Variants in B4GALT1 observed in about 807,000 individuals in gnomAD.
The protein encoded by B4GALT1 is beta-1,4-galactosyltransferase 1.
In B4GALT1, 16 loss-of-function variants were observed where a neutral mutation model predicts 34.9. The observed-to-expected ratio is 0.46, with a 90% CI of 0.31 to 0.70. B4GALT1 has a LOEUF of 0.70. Among genes scored for constraint, B4GALT1 ranks in the 30% least tolerant of loss-of-function variants. The probability of loss-of-function intolerance (pLI) is 0.05; values close to 1 mark genes in which losing one functional copy is unlikely to be tolerated. For missense variants in B4GALT1, 445 were observed against 530.5 expected, an observed-to-expected ratio of 0.84 and a Z score of 1.58; for synonymous variants, 221 against 218.1, an observed-to-expected ratio of 1.01 and a Z score of -0.12.
the B4GALT1 span, among the ~76,000 whole-genome samples, chr9:33,173,591 G>GGTGTGT: frequency 0.023 from 3,230 of 143,116 alleles, 63 homozygotes; most frequent in East Asian, 0.067. Context: ...AAATAAGAAT[G>GGTGTGT]GTGTGTGTGT....
chr9:33,142,853 A>G (rs1033801751), intron 1 of B4GALT1, among the ~76,000 whole-genome samples: 2 of 150,112 alleles, frequency 1.3e-5, no homozygotes, highest in Admixed American at 6.6e-5. Flanking sequence ...GAATTTGCTG[A>G]AAAAAAATAG....
At chr9:33,121,509 T>A (rs1406596441) in intron 2 of B4GALT1, among the ~76,000 whole-genome samples, 1 of 148,976 alleles carries the variant, frequency 6.7e-6, no homozygotes, top group Non-Finnish European at 1.5e-5. Flanking sequence ...ATTACAGGCA[T>A]GTGCCACCAT....
the B4GALT1 span, chr9:33,180,016 G>A: frequency 6.6e-6 from 1 of 152,246 alleles, no homozygotes; most frequent in Admixed American, 6.5e-5. Flanking sequence ...AAAGAGATCA[G>A]CCATGTACCT....
chr9:33,114,409 G>T (rs909668960), intron 4 of B4GALT1, among the ~76,000 whole-genome samples: 1 of 152,214 alleles, frequency 6.6e-6, no homozygotes, highest in South Asian at 2.1e-4. Context: ...AGGGTCTGGG[G>T]TAGGACGTGG....
In B4GALT1 at chr9:33,116,122, A is replaced by G; in HGVS notation, c.837-9T>C. 1 of 1,612,362 alleles carries G rather than the reference A, an allele frequency of 6.2e-7. No homozygotes were observed. Among genetic ancestry groups the G allele is most frequent in the South Asian group, 1.1e-5 (1 of 90,958 alleles). The stretch of plus-strand genomic sequence containing the variant: ...ACTGAACATAAGGTAGGCTGGAGGA[A>G]AAACATACACACAGAAGGAGCAGTG... On this transcript the variant is annotated splice_polypyrimidine_tract_variant and intron_variant, in intron 3 of 5. Transcript: ENST00000379731.
chr9:33,151,443 G>A (rs549473749), intron 1 of B4GALT1, among the ~76,000 whole-genome samples: 2 of 152,200 alleles, frequency 1.3e-5, no homozygotes, highest in South Asian at 2.1e-4. Flanking sequence ...TTGGACTGTG[G>A]AGGGCCCACT....
At chr9:33,126,661 C>CCATTGTTAACATTGTTAACTATTGTTA (rs1564040681) in intron 2 of B4GALT1, among the ~76,000 whole-genome samples, 1 of 37,114 alleles carries the variant, frequency 2.7e-5, no homozygotes. Context: ...TTAACCATAG[C>CCATTGTTAACATTGTTAACTATTGTTA]AATATGGTAG....
intron 1 of B4GALT1, among the ~76,000 whole-genome samples, chr9:33,166,181 T>C (rs527380340): frequency 2.4e-4 from 37 of 152,312 alleles, no homozygotes; most frequent in African/African-American, 8.9e-4. Flanking sequence ...TTGTTCACAA[T>C]ATCTTCCAAA....
In B4GALT1 at chr9:33,117,702, A is replaced by C. The variant is rs371842396; in HGVS notation, c.837-1589T>G. Reference sequence around the variant, plus strand: ...ATATTCAGGAATTCTGACTGTAAGGATCCTCAAGCAAAGGTCCCCAGGGGG... The same window carrying C: ...ATATTCAGGAATTCTGACTGTAAGGCTCCTCAAGCAAAGGTCCCCAGGGGG... On this transcript the variant is annotated intron_variant, in intron 3 of 5. Coordinates refer to ENST00000379731, the MANE Select transcript of B4GALT1 (RefSeq NM_001497.4). 2.4e-4 allele frequency among the ~76,000 whole-genome samples: 36 copies of C among 152,344 alleles called. No individual in the cohort carries two copies. In the East Asian group the frequency reaches 4.2e-3, roughly 18 times the overall value.
the B4GALT1 span, among the ~76,000 whole-genome samples, chr9:33,173,583 A>G: frequency 5.2e-5 from 7 of 135,204 alleles, no homozygotes; most frequent in Admixed American, 7.9e-5. Flanking sequence ...GATAGATGAA[A>G]TAAGAATGGT....
chr9:33,142,809 G>A (rs1014749577), intron 1 of B4GALT1, among the ~76,000 whole-genome samples: 3 of 152,032 alleles, frequency 2.0e-5, no homozygotes, highest in African/African-American at 7.3e-5. Context: ...TGTGGTCTCA[G>A]TACCCTGCAT....
In B4GALT1 at chr9:33,166,819, G is replaced by A. The variant is rs1040794059; in HGVS notation, c.351C>T (p.Val117=). 4 of 1,549,042 alleles carry A rather than the reference G, an allele frequency of 2.6e-6. No individual in the cohort carries two copies. Among genetic ancestry groups the A allele is most frequent in the African/African-American group, 1.4e-5 (1 of 73,202 alleles). ...GPGPASNLTS[V]PVPHTTALSL... ...ACAGTGCGGTGGTGTGGGGCACTGG[G>A]ACCGAGGTCAAGTTGCTAGCGGGGC... The change falls in exon 1 of 6, where the codon GTC becomes GTT. Residue 117 remains valine, a synonymous_variant. Coordinates refer to ENST00000379731, the MANE Select transcript of B4GALT1 (RefSeq NM_001497.4).
chr9:33,123,277 C>CAAAAAAA (rs72342632), intron 2 of B4GALT1, among the ~76,000 whole-genome samples: 2 of 85,708 alleles, frequency 2.3e-5, no homozygotes, highest in Non-Finnish European at 4.1e-5. Context: ...GACACTGTCT[C>CAAAAAAA]AAAAAAAAAA....
chr9:33,105,242 A>T (rs7341767), intron 2 of B4GALT1, among the ~76,000 whole-genome samples: 3 of 151,906 alleles, frequency 2.0e-5, no homozygotes, highest in Admixed American at 6.6e-5. Context: ...CAGGTTCAAG[A>T]GATTCTCCTG....
downstream of B4GALT1, among the ~76,000 whole-genome samples, chr9:33,109,852 A>T (rs979164332): frequency 6.6e-6 from 1 of 152,260 alleles, no homozygotes; most frequent in African/African-American, 2.4e-5. Context: ...ATCTAGGGGC[A>T]GAACTGAAGT....
intron 3 of B4GALT1, among the ~76,000 whole-genome samples, chr9:33,119,820 A>G (rs10121987): frequency 0.37 from 56,575 of 152,100 alleles, 11,243 homozygotes; most frequent in East Asian, 0.59. Context: ...TTGTGGGGCA[A>G]GAGAAAGAAA....
In B4GALT1 at chr9:33,167,243, C is replaced by T. The variant is rs1002856669; in HGVS notation, c.-74G>A. 4 of 1,439,272 alleles carry T rather than the reference C, an allele frequency of 2.8e-6. No homozygotes were observed. The highest frequency in any genetic ancestry group is 3.0e-5 in the African/African-American group (2 of 67,204). 89.2% of individuals were successfully genotyped at this position (1,439,272 alleles called of 1,614,324 possible). ...ACCCGCCCGCGGGCCGCCCGCCAGGCGCTGCCCCACAGCGGCGACTAGGGG... is the reference window on the plus strand; with the variant it reads ...ACCCGCCCGCGGGCCGCCCGCCAGGTGCTGCCCCACAGCGGCGACTAGGGG... On this transcript the variant is annotated 5_prime_UTR_variant, in exon 1 of 6. Transcript: ENST00000379731.
chr9:33,138,125 G>A (rs899144177), intron 1 of B4GALT1, among the ~76,000 whole-genome samples: 1 of 152,222 alleles, frequency 6.6e-6, no homozygotes, highest in Admixed American at 6.5e-5. Context: ...CATGTGGCCT[G>A]GCTCGCTTCC....
At chr9:33,119,784 A>G (rs943674443) in intron 3 of B4GALT1, among the ~76,000 whole-genome samples, 5 of 152,134 alleles carry the variant, frequency 3.3e-5, no homozygotes, top group Non-Finnish European at 7.4e-5. Context: ...AGTGGGGGAA[A>G]ACTATTCCAA....
Sources: allele counts gnomAD v4.1 joint callset (sites outside exome capture counted in the v4.1 genomes callset), GRCh38; gene constraint gnomAD v4.1.1; transcripts MANE v1.5; gene names NCBI Gene and HGNC (gene_info 2026-07-23, HGNC 2026-07-21).